The following UXS1 variants were observed in gnomAD, a reference collection of about 807,000 sequenced individuals.
The protein encoded by UXS1 is UDP-glucuronic acid decarboxylase 1.
A neutral mutation model predicts 62.6 loss-of-function variants in UXS1; 33 were observed. The observed-to-expected ratio is 0.53, with a 90% CI of 0.40 to 0.70. The LOEUF is 0.70. Ranked by LOEUF, UXS1 falls within the 30% of genes least tolerant of loss-of-function variation. The pLI is 0.00. For synonymous variants in UXS1, 213 were observed against 206.8 expected, an observed-to-expected ratio of 1.03 and a Z score of -0.26; for missense variants, 434 against 556.3, an observed-to-expected ratio of 0.78 and a Z score of 2.21.
At chr2:106,160,479 A>G (rs1470240) in intron 4 of UXS1, 74,576 of 152,106 alleles carry the variant, frequency 0.49, 18,452 homozygotes, top group East Asian at 0.58. Flanking sequence ...TTTAGAGTCA[A>G]GACCGCTCGG....
intron 1 of UXS1, among the ~76,000 whole-genome samples, chr2:106,178,074 C>T (rs548872178): frequency 3.9e-5 from 6 of 152,338 alleles, no homozygotes; most frequent in African/African-American, 1.4e-4. Context: ...ATTCTAGACG[C>T]CCCTTCTCCC....
intron 5 of UXS1, among the ~76,000 whole-genome samples, chr2:106,146,624 C>CA (rs1558723632): frequency 1.3e-5 from 2 of 151,228 alleles, no homozygotes; most frequent in African/African-American, 4.9e-5. Context: ...ACTAAAAATA[C>CA]AAAAAATTAG....
intron 4 of UXS1, among the ~76,000 whole-genome samples, chr2:106,161,484 G>A (rs571705342): frequency 6.4e-4 from 98 of 152,160 alleles, no homozygotes; most frequent in African/African-American, 2.1e-3. Context: ...ATTAAGCTCC[G>A]TTCTACACTA....
intron 9 of UXS1, among the ~76,000 whole-genome samples, chr2:106,120,179 C>T (rs1229151522): frequency 1.3e-5 from 2 of 152,202 alleles, no homozygotes; most frequent in Admixed American, 6.5e-5. Context: ...ACAATATTTA[C>T]AACATGAATA....
rs1573530282 is a variant in UXS1, at chr2:106,156,546, C to T, written c.291+1512G>A. On this transcript the variant is annotated intron_variant, in intron 5 of 14. Transcript: ENST00000283148. The stretch of plus-strand genomic sequence containing the variant: ...ACGTACAGTCATCCCTCAGTATCCA[C>T]AAGGAATTGGTTCCAGGACCGCACC... Among the ~76,000 whole-genome samples the T allele has an allele frequency of 2.0e-5, 3 of 152,256 alleles. 1 individual carries two copies.
rs762663886 is a variant in UXS1 at position 106,163,714 on chromosome 2, GAAC to G, written c.187-7_187-5del. 7.0e-7 allele frequency: 1 copy of G among 1,431,544 alleles called. No individual in the cohort carries two copies. The highest frequency in any genetic ancestry group is 1.5e-5 in the South Asian group (1 of 67,698). 88.7% of individuals were successfully genotyped at this position (1,431,544 alleles called of 1,614,324 possible). ...TCTCTCTTAGTGGTTCAACCATCTAGAACAATAATAACAAAAATCAGTTTTAAA... is the reference window on the plus strand; with the variant it reads ...TCTCTCTTAGTGGTTCAACCATCTAGAATAATAACAAAAATCAGTTTTAAA... On this transcript the variant is annotated splice_region_variant and splice_polypyrimidine_tract_variant and intron_variant, in intron 3 of 14. Transcript: ENST00000283148.
chr2:106,170,839 T>C (rs922887537), intron 1 of UXS1, among the ~76,000 whole-genome samples: 9 of 152,390 alleles, frequency 5.9e-5, no homozygotes, highest in African/African-American at 2.2e-4. Context: ...AATATTGCTT[T>C]TAAGTTTTTG....
intron 6 of UXS1, among the ~76,000 whole-genome samples, chr2:106,144,977 C>A (rs924700199): frequency 6.6e-6 from 1 of 152,130 alleles, no homozygotes; most frequent in Non-Finnish European, 1.5e-5. Context: ...CCAGGGGTGC[C>A]ACGTAGGAGA....
intron 8 of UXS1, 99 bp downstream of exon 8, chr2:106,125,521 G>A: frequency 2.5e-6 from 3 of 1,183,710 alleles, no homozygotes; most frequent in South Asian, 5.0e-5. Flanking sequence ...GCATGGGCAG[G>A]CTGGGCCTCC....
chr2:106,097,435 C>T, intron 13 of UXS1: 2 of 349,102 alleles, frequency 5.7e-6, no homozygotes, highest in South Asian at 2.1e-5. Context: ...TGGAGGCTTT[C>T]CCTGCCTCCG....
chr2:106,095,635 C>T (rs2104818489), intron 14 of UXS1, among the ~76,000 whole-genome samples: 1 of 152,312 alleles, frequency 6.6e-6, no homozygotes, highest in African/African-American at 2.4e-5. Flanking sequence ...TGACAGGTGC[C>T]GGGCTCCTGC....
chr2:106,162,166 C>G lies in UXS1; in HGVS notation c.230+1501G>C, dbSNP rs547771794. 8.5e-5 allele frequency among the ~76,000 whole-genome samples: 13 copies of G among 152,282 alleles called. 1 individual carries two copies. The highest frequency in any genetic ancestry group is 7.8e-4 in the Admixed American group (12 of 15,294). On this transcript the variant is annotated intron_variant, in intron 4 of 14. Transcript: ENST00000283148. Reference sequence around the variant, plus strand: ...ACCAACCTGAAGGACGGAACCATTCCAGAATGAGTCACCTGCAAGCAGCCC... The same window carrying G: ...ACCAACCTGAAGGACGGAACCATTCGAGAATGAGTCACCTGCAAGCAGCCC...
chr2:106,128,047 C>T (rs1045538957), intron 7 of UXS1, among the ~76,000 whole-genome samples: 2 of 152,146 alleles, frequency 1.3e-5, no homozygotes, highest in African/African-American at 2.4e-5. Context: ...AGTGACAGGA[C>T]CCACGGGCAC....
chr2:106,185,201 G>GTC (rs1174135536), intron 1 of UXS1, among the ~76,000 whole-genome samples: 1 of 152,104 alleles, frequency 6.6e-6, no homozygotes, highest in African/African-American at 2.4e-5. Flanking sequence ...AATGCCCCAG[G>GTC]TCTTAAGGGC....
intron 1 of UXS1, among the ~76,000 whole-genome samples, chr2:106,169,545 G>C (rs191489284): frequency 8.4e-4 from 128 of 152,260 alleles, no homozygotes; most frequent in African/African-American, 2.8e-3. Flanking sequence ...AAATTAGCCA[G>C]GGGTGGTGGC....
chr2:106,112,341 C>T (rs1678688086), intron 10 of UXS1, among the ~76,000 whole-genome samples: 1 of 152,240 alleles, frequency 6.6e-6, no homozygotes, highest in Admixed American at 6.5e-5. Flanking sequence ...CCCCTGGCTA[C>T]AGCCAGCAGG....
chr2:106,160,021 G>T (rs1395299358), intron 4 of UXS1: 1 of 152,228 alleles, frequency 6.6e-6, no homozygotes, highest in East Asian at 1.9e-4. Context: ...TTTAGTACTT[G>T]CCGCCCATAG....
At position 106,093,784 on chromosome 2, in the gene UXS1, C is replaced by T; in HGVS notation, c.*242G>A. 2.4e-6 allele frequency: 1 copy of T among 419,230 alleles called. No homozygotes were observed. Among genetic ancestry groups the T allele is most frequent in the Non-Finnish European group, 4.1e-6 (1 of 245,048 alleles). 26.0% of individuals were successfully genotyped at this position (419,230 alleles called of 1,614,324 possible). A position where few individuals can be genotyped will look rare whatever the true frequency, so the allele number is the denominator to read the frequency against. On this transcript the variant is annotated 3_prime_UTR_variant, in exon 15 of 15. Transcript: ENST00000283148. ...CAAGATAAAAAAACTTGAAAATACGCAGAGATGCATCTACGCTATTTTACA... is the reference window on the plus strand; with the variant it reads ...CAAGATAAAAAAACTTGAAAATACGTAGAGATGCATCTACGCTATTTTACA...
At chr2:106,184,691 C>G (rs1484146149) in intron 1 of UXS1, among the ~76,000 whole-genome samples, 2 of 152,168 alleles carry the variant, frequency 1.3e-5, no homozygotes, top group East Asian at 3.8e-4. Flanking sequence ...GCCTCCTGAC[C>G]TAATCACCTC....
Sources: gnomAD v4.1 joint callset for allele counts (sites outside exome capture counted in the v4.1 genomes callset) on GRCh38, gnomAD v4.1.1 for gene constraint, MANE v1.5 for transcripts, NCBI Gene and HGNC (gene_info 2026-07-23, HGNC 2026-07-21) for gene names.